Variants in MYBPC2 observed in about 807,000 individuals in gnomAD.
MYBPC2 encodes the protein myosin-binding protein C, fast-type.
A neutral mutation model predicts 137.0 loss-of-function variants in MYBPC2; 122 were observed. That is an observed-to-expected ratio of 0.89 (90% CI 0.77 to 1.03). The LOEUF (loss-of-function observed/expected upper bound fraction) is 1.03, where lower values mean the gene tolerates loss of function less well. MYBPC2 is among the 50% of genes least tolerant of loss of function. The pLI is 0.00. For missense variants in MYBPC2, 1,500 were observed against 1,534.4 expected, an observed-to-expected ratio of 0.98 and a Z score of 0.37; for synonymous variants, 626 against 612.3, an observed-to-expected ratio of 1.02 and a Z score of -0.33.
chr19:50,450,528 C>A (rs1270709605), intron 13 of MYBPC2, among the ~76,000 whole-genome samples: 1 of 152,162 alleles, frequency 6.6e-6, no homozygotes, highest in African/African-American at 2.4e-5. Context: ...CTCAGCTTCC[C>A]AAAGTGCTGG....
At chr19:50,443,446 A>G (rs775103558) in intron 9 of MYBPC2, 48 bp from the exon 10 acceptor site, 23 of 1,597,104 alleles carry the variant, frequency 1.4e-5, no homozygotes, top group Admixed American at 8.5e-5. Flanking sequence ...TACCCCAGGG[A>G]TAGGTGGATG....
rs1194630104 is a variant in MYBPC2 at position 50,435,394 on chromosome 19, C to T, written c.109+144C>T. On this transcript the variant is annotated intron_variant, in intron 2 of 27. Coordinates refer to ENST00000357701, the MANE Select transcript of MYBPC2 (RefSeq NM_004533.4). This position sits in a 1 kb window ranked among gnomAD's most constrained non-coding sequence, Gnocchi z 4.8. ...GGCTGACCCACGCCTCCCGTGCTCC[C>T]AGCCCTCCCGGGGCTCCCTGGCACC... 4.6e-6 allele frequency: 3 copies of T among 646,426 alleles called. No homozygotes were observed. The highest frequency in any genetic ancestry group is 5.6e-5 in the East Asian group (2 of 35,582). 40.0% of individuals were successfully genotyped at this position (646,426 alleles called of 1,614,324 possible).
Position 50,466,089 on chromosome 19 carries a change from C to G in MYBPC2, c.3416-106C>G, listed in dbSNP as rs575839543. The G allele has an allele frequency of 5.3e-6, 8 of 1,501,926 alleles. No homozygotes were observed. The South Asian group carries it at 9.4e-5, about 18-fold the overall frequency. 93.0% of individuals were successfully genotyped at this position (1,501,926 alleles called of 1,614,324 possible). The stretch of plus-strand genomic sequence containing the variant: ...GCCTAGGATGGGGCGGGATGGTGAC[C>G]GTCATCCTGTCCCCCTGCTGGTCAT... On this transcript the variant is annotated intron_variant, in intron 27 of 27. Transcript: ENST00000357701. This position sits in a 1 kb window ranked among gnomAD's most constrained non-coding sequence, Gnocchi z 4.9.
rs1242595674 is a variant in MYBPC2 at position 50,459,405 on chromosome 19, G to T, written c.2791+99G>T. ...ATGAGGGGTGGGGAAGGAGGTGGGA[G>T]ATGAAGGGTGGGAGAGGAGGTGAGA... is the stretch of plus-strand genomic sequence containing the variant. On this transcript the variant is annotated intron_variant, in intron 23 of 27. Coordinates refer to ENST00000357701, the MANE Select transcript of MYBPC2 (RefSeq NM_004533.4). 9 of 892,046 alleles carry T rather than the reference G, an allele frequency of 1.0e-5. No homozygotes were observed. In the African/African-American group the frequency reaches 1.0e-4, roughly 10 times the overall value. The allele number at this position is 892,046 out of a possible 1,614,324, so 55.3% of individuals were successfully genotyped here. A position where few individuals can be genotyped will look rare whatever the true frequency, so the allele number is the denominator to read the frequency against.
intron 13 of MYBPC2, among the ~76,000 whole-genome samples, 172 bp downstream of exon 13, chr19:50,448,562 G>A (rs1244641255): frequency 3.3e-5 from 5 of 151,888 alleles, no homozygotes; most frequent in African/African-American, 9.7e-5. Flanking sequence ...TCCGCCTCCC[G>A]GATTCAAGCG....
rs370441872 is a variant in MYBPC2, at chr19:50,459,217, A to G, written c.2702A>G (p.Gln901Arg). The G allele has an allele frequency of 6.2e-6, 10 of 1,610,922 alleles. No homozygotes were observed. Among genetic ancestry groups the G allele is most frequent in the Middle Eastern group, 1.6e-4 (1 of 6,080 alleles). Residue 901 changes from glutamine (Q) to arginine (R), a missense_variant, in exon 23 of 28, where the codon CAG becomes CGG. Transcript: ENST00000357701. ...SDFDTVFFVR[Q>R]AARSDSGEYE... ...TTCGACACCGTGTTCTTCGTGCGCC[A>G]GGCGGCCCGCTCCGACTCCGGGGAG... is the stretch of plus-strand genomic sequence containing the variant.
chr19:50,459,014 G>C lies in MYBPC2; in HGVS notation c.2595+8G>C. ...CTTGTCGTCCCCTTCCAGGTCAGGG[G>C]AGCGGGGTCACGGGCCGGGGGTCCG... On this transcript the variant is annotated splice_region_variant and intron_variant, in intron 22 of 27. Coordinates refer to ENST00000357701, the MANE Select transcript of MYBPC2 (RefSeq NM_004533.4). 1 of 1,606,456 alleles carries C rather than the reference G, an allele frequency of 6.2e-7. No homozygotes were observed. The highest frequency in any genetic ancestry group is 8.5e-7 in the Non-Finnish European group (1 of 1,177,070).
At chr19:50,453,730 G>T (rs1315122080) in intron 16 of MYBPC2, among the ~76,000 whole-genome samples, 1 of 151,986 alleles carries the variant, frequency 6.6e-6, no homozygotes, top group Admixed American at 6.6e-5. Context: ...AGTAGAGATG[G>T]GGTTTCACCA....
rs376709743 is a variant in MYBPC2, at chr19:50,448,321, C to T, written c.1403C>T (p.Thr468Met). The T allele has an allele frequency of 3.6e-4, 586 of 1,613,878 alleles. 4 individuals carry two copies. In the South Asian group the frequency reaches 5.0e-3, roughly 14 times the overall value. Residue 468 changes from threonine (T) to methionine (M), a missense_variant, in exon 13 of 28, where the codon ACG (threonine) becomes ATG (methionine). By Grantham distance (81) the Thr-to-Met change is moderately conservative (BLOSUM62 -1). Transcript: ENST00000357701. ...FKCEVSDEKV[T>M]GKWYKNGVEV... ...TGCGAGGTGTCTGATGAGAAAGTGA[C>T]GGGCAAGTGGTATAAGAATGGGGTC...
chr19:50,444,026 C>T (rs2039779686), intron 11 of MYBPC2, among the ~76,000 whole-genome samples: 1 of 152,196 alleles, frequency 6.6e-6, no homozygotes, highest in East Asian at 1.9e-4. Flanking sequence ...ATCCTATCCT[C>T]TTCAGGGTCG....
chr19:50,433,833 T>C lies in MYBPC2; in HGVS notation c.19+861T>C, dbSNP rs552722455. Among the ~76,000 whole-genome samples, 3 of 152,264 alleles carry C rather than the reference T, an allele frequency of 2.0e-5. No individual in the cohort carries two copies. The East Asian group carries it at 5.8e-4, about 30-fold the overall frequency. On this transcript the variant is annotated intron_variant, in intron 1 of 27. Coordinates refer to ENST00000357701, the MANE Select transcript of MYBPC2 (RefSeq NM_004533.4). ...GCTCACGCCTGTCATCCCAGCACTC[T>C]GGGATACCGAGGCAGGAGGATTGCT...
intron 7 of MYBPC2, 51 bp downstream of exon 7, chr19:50,437,769 G>T: frequency 6.4e-7 from 1 of 1,558,502 alleles, no homozygotes; most frequent in Non-Finnish European, 8.7e-7. Context: ...AAGGGGAGGA[G>T]GTGGTGGGTG....
In MYBPC2 at chr19:50,440,882, AGGT is replaced by A. The variant is rs1049293779; in HGVS notation, c.581_583del (p.Val194del). Reference sequence around the variant, plus strand: ...CTGTCCGTTCCCCCACCCGCCAGGGAGGTGGTGGAGGAGGAGAAGAAGAAGAAA... The same window carrying A: ...CTGTCCGTTCCCCCACCCGCCAGGGAGGTGGAGGAGGAGAAGAAGAAGAAA... On this transcript the variant is annotated inframe_deletion, in exon 8 of 28. Coordinates refer to ENST00000357701, the MANE Select transcript of MYBPC2 (RefSeq NM_004533.4). 1.9e-6 allele frequency: 3 copies of A among 1,610,846 alleles called. No homozygotes were observed. In the African/African-American group the frequency reaches 4.0e-5, roughly 22 times the overall value.
At chr19:50,458,844 A>G (rs1209016768) in intron 21 of MYBPC2, 74 bp from the exon 22 acceptor site, 1 of 1,595,006 alleles carries the variant, frequency 6.3e-7, no homozygotes, top group Non-Finnish European at 8.5e-7. Context: ...CTCCCCAGAG[A>G]GCCTTATCAC....
chr19:50,459,025 C>G lies in MYBPC2; in HGVS notation c.2595+19C>G. On this transcript the variant is annotated intron_variant, in intron 22 of 27. Transcript: ENST00000357701. ...CTTCCAGGTCAGGGGAGCGGGGTCA[C>G]GGGCCGGGGGTCCGCTCTCGCCGCA... The G allele has an allele frequency of 1.9e-6, 3 of 1,597,540 alleles. No homozygotes were observed. The highest frequency in any genetic ancestry group is 1.7e-6 in the Non-Finnish European group (2 of 1,172,998).
chr19:50,459,344 G>A, intron 23 of MYBPC2, 38 bp downstream of exon 23: 4 of 1,561,638 alleles, frequency 2.6e-6, no homozygotes, highest in Non-Finnish European at 3.5e-6. Context: ...GGCCGGGAGG[G>A]GCAGGGATGG....
At position 50,437,457 on chromosome 19, in the gene MYBPC2, C is replaced by T. The variant is rs1378772413; in HGVS notation, c.464-16C>T. On this transcript the variant is annotated splice_polypyrimidine_tract_variant and intron_variant, in intron 5 of 27. Transcript: ENST00000357701. ...GCCTCTAACTCACCTTCCCTTCTCT[C>T]ATCACCTCTCCCCAGCACCCCGTCA... The T allele has an allele frequency of 2.5e-6, 4 of 1,607,878 alleles. No homozygotes were observed. Among genetic ancestry groups the T allele is most frequent in the Non-Finnish European group, 3.4e-6 (4 of 1,177,226 alleles).
In MYBPC2 at chr19:50,460,194, G is replaced by A; in HGVS notation, c.2931+15G>A. On this transcript the variant is annotated intron_variant, in intron 24 of 27. Coordinates refer to ENST00000357701, the MANE Select transcript of MYBPC2 (RefSeq NM_004533.4). The stretch of plus-strand genomic sequence containing the variant: ...AAAAAACCATGGTGAGAGAGCAGAG[G>A]GGGAGATGGGGAAGAGCCGGTGAGG... 6.3e-7 allele frequency: 1 copy of A among 1,594,774 alleles called. No individual in the cohort carries two copies. Among genetic ancestry groups the A allele is most frequent in the Non-Finnish European group, 8.5e-7 (1 of 1,170,054 alleles).
intron 24 of MYBPC2, 30 bp from the exon 25 acceptor site, chr19:50,461,512 C>G: frequency 1.2e-6 from 2 of 1,605,692 alleles, no homozygotes; most frequent in Non-Finnish European, 1.7e-6. Context: ...TGGCCCCGAC[C>G]CGCCTGGTCC....
Sources: allele counts gnomAD v4.1 joint callset (sites outside exome capture counted in the v4.1 genomes callset), GRCh38; gene constraint gnomAD v4.1.1; non-coding constraint Gnocchi (gnomAD v3.1); transcripts MANE v1.5; gene names NCBI Gene and HGNC (gene_info 2026-07-23, HGNC 2026-07-21).